The following WWOX variants were observed in gnomAD, a reference collection of about 807,000 sequenced individuals.
WWOX encodes WW domain containing oxidoreductase.
A neutral mutation model predicts 46.2 loss-of-function variants in WWOX; 69 were observed. The observed-to-expected ratio is 1.49, with a 90% CI of 1.23 to 1.82. The LOEUF (loss-of-function observed/expected upper bound fraction) is 1.82, where lower values mean the gene tolerates loss of function less well. WWOX is among the 40% of genes most tolerant of loss of function. The pLI, the probability that WWOX is intolerant of heterozygous loss-of-function variation, is 0.00. For missense variants in WWOX, 919 were observed against 542.6 expected (o/e 1.69, Z -6.89); for synonymous variants, 359 against 202.6 (o/e 1.77, Z -6.56).
chr16:78,569,525 T>C (rs182159345), intron 8 of WWOX, among the ~76,000 whole-genome samples: 1 of 152,366 alleles, frequency 6.6e-6, no homozygotes, highest in East Asian at 1.9e-4. Context: ...GGCTCCTTTT[T>C]GTACATATAT....
At chr16:79,160,477 A>G (rs2050463886) in intron 8 of WWOX, among the ~76,000 whole-genome samples, 1 of 147,928 alleles carries the variant, frequency 6.8e-6, no homozygotes, top group Non-Finnish European at 1.5e-5. Context: ...TATTAATATC[A>G]ATAAGAGCCG....
At chr16:79,022,424 C>G (rs769210045) in intron 8 of WWOX, among the ~76,000 whole-genome samples, 4 of 150,700 alleles carry the variant, frequency 2.7e-5, no homozygotes, top group Non-Finnish European at 4.4e-5. Flanking sequence ...ATGCCCCAGT[C>G]GCTAGTAAAT....
In WWOX at chr16:78,101,048, CT is replaced by C. The variant is rs111425708; in HGVS notation, c.107+1175del. ...TGGGCCCCACTTCCAGAGGGTTTTT[CT>C]TTTTTTTTTTTCTTTTGAGACGGAG... On this transcript the variant is annotated intron_variant, in intron 1 of 8. Coordinates refer to ENST00000566780, the MANE Select transcript of WWOX (RefSeq NM_016373.4). 3.0e-3 allele frequency among the ~76,000 whole-genome samples: 449 copies of C among 147,862 alleles called. 6 individuals are homozygous for C. The highest frequency in any genetic ancestry group is 9.4e-3 in the African/African-American group (378 of 40,176).
intron 8 of WWOX, among the ~76,000 whole-genome samples, chr16:78,797,200 A>G (rs982413332): frequency 6.6e-6 from 1 of 152,020 alleles, no homozygotes; most frequent in Admixed American, 6.6e-5. Context: ...AAGAAATGAC[A>G]TAATCCATGA....
At chr16:78,551,185 G>A (rs777888054) in intron 8 of WWOX, 7 of 151,788 alleles carry the variant, frequency 4.6e-5, no homozygotes, top group South Asian at 2.1e-4. Flanking sequence ...AACAAATATC[G>A]TGAATATATT....
chr16:78,316,589 C>G lies in WWOX; in HGVS notation c.517-70271C>G, dbSNP rs144165133. 6.7e-3 allele frequency among the ~76,000 whole-genome samples: 1,018 copies of G among 152,194 alleles called. 9 individuals are homozygous for G. Among genetic ancestry groups the G allele is most frequent in the South Asian group, 0.025 (122 of 4,812 alleles). The stretch of plus-strand genomic sequence containing the variant: ...AACTCCTGGCCTCAGGTGTTCTGCC[C>G]GTCTCGGCCTCCCAAAGTGCTGGGA... On this transcript the variant is annotated intron_variant, in intron 5 of 8. Coordinates refer to ENST00000566780, the MANE Select transcript of WWOX (RefSeq NM_016373.4).
chr16:78,922,979 C>T (rs61265930), intron 8 of WWOX, among the ~76,000 whole-genome samples: 2 of 111,650 alleles, frequency 1.8e-5, no homozygotes, highest in Admixed American at 8.3e-5. Context: ...AATTCTTTCT[C>T]TTTTCTTTTT....
At chr16:78,236,538 G>C (rs1039108830) in intron 5 of WWOX, among the ~76,000 whole-genome samples, 8 of 152,112 alleles carry the variant, frequency 5.3e-5, no homozygotes, top group Non-Finnish European at 1.0e-4. Context: ...TAGTTTACTC[G>C]TACGAACTTG....
chr16:78,973,519 G>C (rs1468827827), intron 8 of WWOX, among the ~76,000 whole-genome samples: 2 of 152,136 alleles, frequency 1.3e-5, no homozygotes, highest in Non-Finnish European at 2.9e-5. Context: ...TGAATACGAA[G>C]CCTCCCTTTA....
At chr16:79,181,580 A>G (rs1014768573) in intron 8 of WWOX, among the ~76,000 whole-genome samples, 7 of 152,070 alleles carry the variant, frequency 4.6e-5, no homozygotes, top group African/African-American at 1.4e-4. Context: ...ATTGGCTGGA[A>G]GCACTTCATC....
intron 8 of WWOX, among the ~76,000 whole-genome samples, chr16:78,931,053 C>T (rs994001376): frequency 6.6e-6 from 1 of 152,216 alleles, no homozygotes; most frequent in East Asian, 1.9e-4. Context: ...GAGAAATGCA[C>T]ATGAAATGTT....
At chr16:79,041,805 C>T (rs1262100715) in intron 8 of WWOX, among the ~76,000 whole-genome samples, 1 of 152,142 alleles carries the variant, frequency 6.6e-6, no homozygotes, top group Non-Finnish European at 1.5e-5. Context: ...GCTTTAGCTT[C>T]CTGGCAAAAT....
chr16:78,416,588 G>C (rs763105213), intron 6 of WWOX, among the ~76,000 whole-genome samples: 1 of 152,208 alleles, frequency 6.6e-6, no homozygotes, highest in Non-Finnish European at 1.5e-5. Flanking sequence ...AAGTTCCTTG[G>C]TTTGCTGAGG....
At chr16:78,472,534 C>T (rs185554909) in intron 8 of WWOX, among the ~76,000 whole-genome samples, 10 of 152,164 alleles carry the variant, frequency 6.6e-5, no homozygotes, top group African/African-American at 1.9e-4. Context: ...ATGAGCCGGG[C>T]ACAGTGGCTC....
chr16:78,969,812 A>G (rs2046435807), intron 8 of WWOX, among the ~76,000 whole-genome samples: 1 of 152,242 alleles, frequency 6.6e-6, no homozygotes, highest in Non-Finnish European at 1.5e-5. Flanking sequence ...CTGCAGAAAC[A>G]GAAAGTAGAG....
chr16:78,696,363 C>G (rs1382359985), intron 8 of WWOX, among the ~76,000 whole-genome samples: 1 of 152,188 alleles, frequency 6.6e-6, no homozygotes, highest in Admixed American at 6.5e-5. Flanking sequence ...ACTTCAGACT[C>G]TATAGACAGT....
intron 5 of WWOX, among the ~76,000 whole-genome samples, chr16:78,343,269 C>A (rs1465573908): frequency 8.3e-6 from 1 of 120,112 alleles, no homozygotes. Flanking sequence ...TGCCTGTCAC[C>A]CATGATGCTG....
intron 8 of WWOX, among the ~76,000 whole-genome samples, chr16:78,678,287 G>C (rs558242191): frequency 6.6e-6 from 1 of 152,160 alleles, no homozygotes; most frequent in Non-Finnish European, 1.5e-5. Flanking sequence ...GAGACAGGAG[G>C]ATCGCTTGAG....
In WWOX at chr16:78,338,185, A is replaced by T. The variant is rs2080936682; in HGVS notation, c.517-48675A>T. On this transcript the variant is annotated intron_variant, in intron 5 of 8. Transcript: ENST00000566780. ...TCACATGGAAACAAACTTTTAAAAA[A>T]ATTAATTTTGTGAATTAAATAAAGC... Among the ~76,000 whole-genome samples, 2 of 121,190 alleles carry T rather than the reference A, an allele frequency of 1.7e-5. 1 individual carries two copies. Among genetic ancestry groups the T allele is most frequent in the Admixed American group, 1.6e-4 (2 of 12,478 alleles). The allele number at this position is 121,190 out of a possible 152,430, so 79.5% of individuals were successfully genotyped here.
Sources: allele counts gnomAD v4.1 joint callset (sites outside exome capture counted in the v4.1 genomes callset), GRCh38; gene constraint gnomAD v4.1.1; transcripts MANE v1.5; gene names NCBI Gene and HGNC (gene_info 2026-07-23, HGNC 2026-07-21).